Variants in MYO18A observed in about 807,000 individuals in gnomAD.
MYO18A encodes the protein unconventional myosin-XVIIIa.
MYO18A carries 78 observed loss-of-function variants against 235.8 expected under a neutral mutation model. The ratio of observed to expected loss-of-function variants is 0.33; its 90% CI spans 0.28 to 0.40. The LOEUF is 0.40. Among genes scored for constraint, MYO18A ranks in the 10% least tolerant of loss-of-function variants. MYO18A has a pLI of 1.00. For missense variants in MYO18A, 2,215 were observed against 2,699.3 expected, an observed-to-expected ratio of 0.82 and a Z score of 3.98; for synonymous variants, 977 against 1,077.8, an observed-to-expected ratio of 0.91 and a Z score of 1.83.
chr17:29,175,680 T>A (rs1247446712), intron 1 of MYO18A, among the ~76,000 whole-genome samples: 3 of 151,994 alleles, frequency 2.0e-5, no homozygotes, highest in East Asian at 1.9e-4. Flanking sequence ...AGAAATTTTT[T>A]AAATATTTAT....
intron 2 of MYO18A, among the ~76,000 whole-genome samples, chr17:29,148,161 T>C (rs1239060306): frequency 6.6e-6 from 1 of 152,110 alleles, no homozygotes; most frequent in Non-Finnish European, 1.5e-5. Flanking sequence ...TATATATATC[T>C]TAACAAAATA....
chr17:29,084,177 C>T (rs991821375), intron 40 of MYO18A, among the ~76,000 whole-genome samples: 1 of 152,158 alleles, frequency 6.6e-6, no homozygotes, highest in Admixed American at 6.5e-5. Flanking sequence ...TGAGCACACA[C>T]CAGTGTGTGT....
Position 29,166,105 on chromosome 17 carries a change from A to G in MYO18A, c.836T>C (p.Ile279Thr). 6.2e-7 allele frequency: 1 copy of G among 1,613,464 alleles called. No homozygotes were observed. The highest frequency in any genetic ancestry group is 8.5e-7 in the Non-Finnish European group (1 of 1,179,886). The change falls in exon 2 of 42, where the codon ATT becomes ACT. Residue 279 changes from isoleucine to threonine, a missense_variant. By Grantham distance (89) the Ile-to-Thr change is moderately conservative. Transcript: ENST00000527372. Reference protein sequence around the residue: ...GLVPGDRLVEINGHNVESKSR... With the variant: ...GLVPGDRLVETNGHNVESKSR... Reference sequence around the variant, plus strand: ...CTTGCTCTCCACATTGTGCCCATTAATCTCCACCAGTCGATCTCCTGGCAC... The same window carrying G: ...CTTGCTCTCCACATTGTGCCCATTAGTCTCCACCAGTCGATCTCCTGGCAC...
rs142423774 is a variant in MYO18A at position 29,086,427 on chromosome 17, C to T, written c.5852+11G>A. The T allele has an allele frequency of 2.6e-4, 414 of 1,588,212 alleles. 1 individual carries two copies. The African/African-American group carries it at 5.0e-3, about 19-fold the overall frequency. Reference sequence around the variant, plus strand: ...GTGCTAGCTGCAGATGCCCCAGAGGCCACTTCTCACCTGTTGATGAGGTCC... The same window carrying T: ...GTGCTAGCTGCAGATGCCCCAGAGGTCACTTCTCACCTGTTGATGAGGTCC... On this transcript the variant is annotated intron_variant, in intron 39 of 41. Coordinates refer to ENST00000527372, the MANE Select transcript of MYO18A (RefSeq NM_078471.4).
Position 29,116,407 on chromosome 17 carries a change from G to A in MYO18A, c.2050+37C>T, listed in dbSNP as rs779088319. On this transcript the variant is annotated intron_variant, in intron 11 of 41. Coordinates refer to ENST00000527372, the MANE Select transcript of MYO18A (RefSeq NM_078471.4). The stretch of plus-strand genomic sequence containing the variant: ...CCTCAGCCAACATGTGTCTAATCAC[G>A]GCAATTAGGGAAAGCTAACAAGAAA... 10 of 1,613,450 alleles carry A rather than the reference G, an allele frequency of 6.2e-6. No individual in the cohort carries two copies. In the Admixed American group the frequency reaches 6.7e-5, roughly 11 times the overall value.
intron 27 of MYO18A, 98 bp downstream of exon 27, chr17:29,097,124 GC>G: frequency 6.5e-7 from 1 of 1,527,500 alleles, no homozygotes; most frequent in Non-Finnish European, 8.8e-7. Context: ...ATCCATTCCA[GC>G]CAGGCCTGCC....
intron 2 of MYO18A, among the ~76,000 whole-genome samples, chr17:29,142,599 C>T (rs1322422690): frequency 6.6e-6 from 1 of 152,154 alleles, no homozygotes; most frequent in African/African-American, 2.4e-5. Flanking sequence ...ACCAAGAACT[C>T]TGGATATGGG....
intron 2 of MYO18A, chr17:29,131,332 CAT>C (rs1445698306): frequency 1.7e-5 from 16 of 945,422 alleles, no homozygotes; most frequent in Non-Finnish European, 2.0e-5. Flanking sequence ...TGCACACACA[CAT>C]GCCCGCACAC....
intron 20 of MYO18A, among the ~76,000 whole-genome samples, chr17:29,105,691 G>A (rs918248911): frequency 2.6e-5 from 4 of 152,144 alleles, no homozygotes; most frequent in Non-Finnish European, 4.4e-5. Context: ...AAGGTGGGGC[G>A]GGGAGGATTT....
At chr17:29,170,951 G>A (rs2068389407) in intron 1 of MYO18A, among the ~76,000 whole-genome samples, 1 of 152,208 alleles carries the variant, frequency 6.6e-6, no homozygotes. Context: ...TCAAGTGAGA[G>A]GGAAAGAAGT....
At position 29,090,518 on chromosome 17, in the gene MYO18A, C is replaced by T. The variant is rs919745660; in HGVS notation, c.5388+14G>A. ...TGGCACTCTCTCTCTCCTGAGGGAG[C>T]CCCTGGTCCTCACCTTCTCCTGCAG... On this transcript the variant is annotated intron_variant, in intron 36 of 41. Coordinates refer to ENST00000527372, the MANE Select transcript of MYO18A (RefSeq NM_078471.4). 24 of 1,575,752 alleles carry T rather than the reference C, an allele frequency of 1.5e-5. No homozygotes were observed. Among genetic ancestry groups the T allele is most frequent in the Non-Finnish European group, 2.1e-5 (24 of 1,158,808 alleles).
intron 41 of MYO18A, 161 bp from the exon 42 acceptor site, chr17:29,075,075 A>C: frequency 1.3e-6 from 1 of 771,238 alleles, no homozygotes. Flanking sequence ...AGATACTCAA[A>C]ATGCTAAGAG....
rs1483814204 is a variant in MYO18A at position 29,072,637 on chromosome 17, G to A, written c.*2133C>T. On this transcript the variant is annotated 3_prime_UTR_variant, in exon 42 of 42. Transcript: ENST00000527372. The stretch of plus-strand genomic sequence containing the variant: ...TCGAGACAGATCCACTTCACACTCT[G>A]TCCCATTCATTTTGGGGGAGACTTT... The A allele has an allele frequency of 6.6e-6, 1 of 152,216 alleles. No individual in the cohort carries two copies. The highest frequency in any genetic ancestry group is 1.9e-4 in the East Asian group (1 of 5,200). 9.4% of individuals were successfully genotyped at this position (152,216 alleles called of 1,614,324 possible). A position where few individuals can be genotyped will look rare whatever the true frequency, so the allele number is the denominator to read the frequency against.
intron 2 of MYO18A, among the ~76,000 whole-genome samples, chr17:29,127,556 GC>G (rs1477878158): frequency 6.6e-6 from 1 of 152,250 alleles, no homozygotes; most frequent in Non-Finnish European, 1.5e-5. Context: ...TGGGTCTCAG[GC>G]CTCAAGCTGG....
intron 2 of MYO18A, among the ~76,000 whole-genome samples, chr17:29,163,164 G>A (rs1465950964): frequency 6.6e-6 from 1 of 152,232 alleles, no homozygotes; most frequent in Non-Finnish European, 1.5e-5. Flanking sequence ...GAGTCTGGAG[G>A]AGGCGGGAAG....
At position 29,088,179 on chromosome 17, in the gene MYO18A, G is replaced by A. The variant is rs555004797; in HGVS notation, c.5527-1058C>T. On this transcript the variant is annotated intron_variant, in intron 37 of 41. Transcript: ENST00000527372. ...ACGCCATTCTCCTGCCTCAGCCTCC[G>A]GAGTAGCTGGGACTACAGGCGCCCG... 4.0e-5 allele frequency among the ~76,000 whole-genome samples: 6 copies of A among 149,830 alleles called. No individual in the cohort carries two copies. The East Asian group carries it at 7.9e-4, about 20-fold the overall frequency.
intron 2 of MYO18A, among the ~76,000 whole-genome samples, chr17:29,152,077 C>T (rs1598382500): frequency 6.6e-6 from 1 of 152,152 alleles, no homozygotes; most frequent in Non-Finnish European, 1.5e-5. Context: ...TGTTGTGTTC[C>T]GTCACAGAGA....
Position 29,159,767 on chromosome 17 carries a change from G to A in MYO18A, c.999+6175C>T, listed in dbSNP as rs2068133869. On this transcript the variant is annotated intron_variant, in intron 2 of 41. Transcript: ENST00000527372. ...GGACAAGGTTGATGAGGCTCATACA[G>A]TTTCTACCCAGGGGTCTAGGGCTTC... Among the ~76,000 whole-genome samples the A allele has an allele frequency of 2.0e-5, 3 of 152,184 alleles. No homozygotes were observed. In the East Asian group the frequency reaches 5.8e-4, roughly 29 times the overall value.
chr17:29,169,468 G>T (rs572309929), intron 1 of MYO18A, among the ~76,000 whole-genome samples: 92 of 152,256 alleles, frequency 6.0e-4, no homozygotes, highest in African/African-American at 2.0e-3. Context: ...GACTGATTTG[G>T]GGTGGAGGAG....
Sources: gnomAD v4.1 joint callset for allele counts (sites outside exome capture counted in the v4.1 genomes callset) on GRCh38, gnomAD v4.1.1 for gene constraint, MANE v1.5 for transcripts, NCBI Gene and HGNC (gene_info 2026-07-23, HGNC 2026-07-21) for gene names.